ANKRD30BL: variants seen among roughly 807,000 people sequenced by gnomAD.
ANKRD30BL encodes the protein putative ankyrin repeat domain-containing protein 30B-like.
ANKRD30BL carries 20 observed loss-of-function variants against 18.4 expected under a neutral mutation model. The ratio of observed to expected loss-of-function variants is 1.09; its 90% CI spans 0.77 to 1.58. The LOEUF (loss-of-function observed/expected upper bound fraction) is 1.58. Ranked by LOEUF, ANKRD30BL falls within the 40% of genes most tolerant of loss-of-function variation. ANKRD30BL has a pLI of 0.00. For missense variants in ANKRD30BL, 224 were observed against 268.6 expected, an observed-to-expected ratio of 0.83 and a Z score of 1.16; for synonymous variants, 72 against 100.9, an observed-to-expected ratio of 0.71 and a Z score of 1.72.
chr2:132,213,306 T>C (rs1679405104), intron 1 of ANKRD30BL, among the ~76,000 whole-genome samples: 1 of 152,112 alleles, frequency 6.6e-6, no homozygotes. Context: ...AGGAATTATC[T>C]TCACATAAAT....
chr2:132,221,329 A>G (rs1295741355), intron 1 of ANKRD30BL, among the ~76,000 whole-genome samples: 116 of 143,990 alleles, frequency 8.1e-4, no homozygotes, highest in Middle Eastern at 8.0e-3. Context: ...TGGGGGGGTC[A>G]GCCCCCCGCC....
chr2:132,242,722 G>A (rs1192113443), intron 1 of ANKRD30BL, among the ~76,000 whole-genome samples: 1 of 150,692 alleles, frequency 6.6e-6, no homozygotes, highest in Non-Finnish European at 1.5e-5. Context: ...TCACATAAAA[G>A]CTACACAGAA....
upstream of ANKRD30BL, among the ~76,000 whole-genome samples, chr2:132,162,758 C>T (rs1166324865): frequency 6.6e-6 from 1 of 152,276 alleles, no homozygotes; most frequent in Non-Finnish European, 1.5e-5. Context: ...CCTGCTCTTC[C>T]TTGGCTCGCG....
chr2:132,211,090 C>T (rs144544897), intron 1 of ANKRD30BL, among the ~76,000 whole-genome samples: 4 of 146,220 alleles, frequency 2.7e-5, no homozygotes, highest in Admixed American at 6.8e-5. Context: ...TTGAGAAGCT[C>T]CTTTGTGATG....
intron 1 of ANKRD30BL, among the ~76,000 whole-genome samples, chr2:132,158,181 T>A (rs1302154670): frequency 6.6e-6 from 1 of 152,106 alleles, no homozygotes; most frequent in African/African-American, 2.4e-5. Context: ...TAAAGAAATT[T>A]TAGCTTTTAA....
At chr2:132,150,541 C>T (rs1687730987) in intron 5 of ANKRD30BL, among the ~76,000 whole-genome samples, 1 of 151,140 alleles carries the variant, frequency 6.6e-6, no homozygotes, top group Non-Finnish European at 1.5e-5. Flanking sequence ...ATCAATCACA[C>T]CAAGGATTAT....
chr2:132,162,003 A>T, upstream of ANKRD30BL: 1 of 305,564 alleles, frequency 3.3e-6, no homozygotes, highest in South Asian at 4.5e-5. Context: ...GCGAGGCAGG[A>T]AACCGCCCTG....
At chr2:132,201,766 A>G (rs1679103782) in intron 1 of ANKRD30BL, among the ~76,000 whole-genome samples, 1 of 152,200 alleles carries the variant, frequency 6.6e-6, no homozygotes, top group African/African-American at 2.4e-5. Context: ...TAGAAATACC[A>G]TTTGACCCAG....
intron 1 of ANKRD30BL, among the ~76,000 whole-genome samples, chr2:132,231,086 A>C (rs1324713628): frequency 6.6e-6 from 1 of 151,924 alleles, no homozygotes; most frequent in African/African-American, 2.4e-5. Flanking sequence ...CAGGTTTGAA[A>C]CACTTTTTGT....
At position 132,147,999 on chromosome 2, in the gene ANKRD30BL, C is replaced by G; in HGVS notation, c.*132G>C. 1.4e-6 allele frequency: 1 copy of G among 698,870 alleles called. No individual in the cohort carries two copies. Among genetic ancestry groups the G allele is most frequent in the Non-Finnish European group, 2.5e-6 (1 of 399,396 alleles). 43.3% of individuals were successfully genotyped at this position (698,870 alleles called of 1,614,324 possible). A position where few individuals can be genotyped will look rare whatever the true frequency, so the allele number is the denominator to read the frequency against. On this transcript the variant is annotated 3_prime_UTR_variant, in exon 6 of 6. Coordinates refer to ENST00000409867, the MANE Select transcript of ANKRD30BL (RefSeq NM_001358416.1). ...AAACTTTAAAACGGAGAACAAAGAACAGAGAAGCTGAACATACTGACATAT... is the reference window on the plus strand; with the variant it reads ...AAACTTTAAAACGGAGAACAAAGAAGAGAGAAGCTGAACATACTGACATAT...
intron 1 of ANKRD30BL, among the ~76,000 whole-genome samples, chr2:132,220,443 C>G (rs1398137726): frequency 6.6e-6 from 1 of 151,828 alleles, no homozygotes; most frequent in East Asian, 1.9e-4. Flanking sequence ...GCTGCGATCT[C>G]GGCTCACTGC....
intron 3 of ANKRD30BL, chr2:132,155,068 C>T (rs1687865350): frequency 4.4e-6 from 1 of 226,540 alleles, no homozygotes; most frequent in South Asian, 1.5e-4. Flanking sequence ...CCTCTATGTC[C>T]TTAAACCCTA....
rs184603272 is a variant in ANKRD30BL at position 132,153,695 on chromosome 2, C to T, written c.614+967G>A. On this transcript the variant is annotated intron_variant, in intron 4 of 5. Coordinates refer to ENST00000409867, the MANE Select transcript of ANKRD30BL (RefSeq NM_001358416.1). Reference sequence around the variant, plus strand: ...ACATATGGCAAGCATGAGGGCTGTGCTAAAATAACAAAGAGATAACTTCAT... The same window carrying T: ...ACATATGGCAAGCATGAGGGCTGTGTTAAAATAACAAAGAGATAACTTCAT... 122 of 1,245,432 alleles carry T rather than the reference C, an allele frequency of 9.8e-5. 1 individual carries two copies. The African/African-American group carries it at 1.6e-3, about 17-fold the overall frequency. 77.1% of individuals were successfully genotyped at this position (1,245,432 alleles called of 1,614,324 possible).
At chr2:132,228,937 A>G (rs1024711440) in intron 1 of ANKRD30BL, among the ~76,000 whole-genome samples, 6 of 152,034 alleles carry the variant, frequency 3.9e-5, no homozygotes, top group Admixed American at 3.3e-4. Flanking sequence ...AAAAGGAATT[A>G]TCTTCACATA....
rs1286729288 is a variant in ANKRD30BL, at chr2:132,154,694, A to G, written c.582T>C (p.Asn194=). 1 of 729,220 alleles carries G rather than the reference A, an allele frequency of 1.4e-6. No individual in the cohort carries two copies. Among genetic ancestry groups the G allele is most frequent in the Non-Finnish European group, 2.6e-6 (1 of 390,350 alleles). The allele number at this position is 729,220 out of a possible 1,614,324, so 45.2% of individuals were successfully genotyped here. The change falls in exon 4 of 6, where the codon AAT becomes AAC. Residue 194 remains asparagine (N), a synonymous_variant. Transcript: ENST00000409867. ...EEIVEFLLTK[N]ANANAVDKFK... Reference sequence around the variant, plus strand: ...ACTTATCAACTGCATTTGCATTTGCATTTTTTGTCAGTAAAAATTCCACAA... The same window carrying G: ...ACTTATCAACTGCATTTGCATTTGCGTTTTTTGTCAGTAAAAATTCCACAA...
chr2:132,177,688 G>T (rs551188218), intron 1 of ANKRD30BL, among the ~76,000 whole-genome samples: 1 of 152,130 alleles, frequency 6.6e-6, no homozygotes, highest in South Asian at 2.1e-4. Flanking sequence ...GAAAATACTG[G>T]ATTTCAATAT....
chr2:132,248,475 C>G (rs1680561200), intron 1 of ANKRD30BL, among the ~76,000 whole-genome samples: 1 of 151,908 alleles, frequency 6.6e-6, no homozygotes, highest in Non-Finnish European at 1.5e-5. Flanking sequence ...TCAAAGCGCT[C>G]AAAATATCCC....
chr2:132,175,591 C>A (rs1558920108), intron 1 of ANKRD30BL, among the ~76,000 whole-genome samples: 1 of 152,222 alleles, frequency 6.6e-6, no homozygotes, highest in African/African-American at 2.4e-5. Flanking sequence ...TCAGCACAGA[C>A]CCTTTACGGG....
chr2:132,224,833 G>C (rs975066791), intron 1 of ANKRD30BL, among the ~76,000 whole-genome samples: 1 of 151,190 alleles, frequency 6.6e-6, no homozygotes, highest in Admixed American at 6.6e-5. Flanking sequence ...CACTAGACAA[G>C]GGTTCTCTGA....
Sources: allele counts gnomAD v4.1 joint callset (sites outside exome capture counted in the v4.1 genomes callset), GRCh38; gene constraint gnomAD v4.1.1; transcripts MANE v1.5; gene names NCBI Gene and HGNC (gene_info 2026-07-23, HGNC 2026-07-21).